ABHD2: variants seen among roughly 807,000 people sequenced by gnomAD.
The protein encoded by ABHD2 is abhydrolase domain containing 2, acylglycerol lipase, also known as monoacylglycerol lipase ABHD2.
A neutral mutation model predicts 48.1 loss-of-function variants in ABHD2; 20 were observed. The ratio of observed to expected loss-of-function variants is 0.42; its 90% CI spans 0.29 to 0.60. The LOEUF is 0.60. ABHD2 is among the 20% of genes least tolerant of loss of function. The probability of loss-of-function intolerance (pLI) is 0.24; values close to 1 mark genes in which losing one functional copy is unlikely to be tolerated. For synonymous variants in ABHD2, 209 were observed against 214.2 expected (o/e 0.98, Z 0.21); for missense variants, 405 against 550.9 (o/e 0.74, Z 2.65).
the ABHD2 span, among the ~76,000 whole-genome samples, chr15:89,052,174 G>A: frequency 2.0e-5 from 3 of 152,208 alleles, no homozygotes; most frequent in African/African-American, 7.2e-5. Context: ...AATTCAGGGA[G>A]ATGGGAGCCC....
At chr15:89,140,859 C>T (rs1485288396) in intron 3 of ABHD2, among the ~76,000 whole-genome samples, 1 of 152,186 alleles carries the variant, frequency 6.6e-6, no homozygotes, top group Non-Finnish European at 1.5e-5. Flanking sequence ...TCCACAGCCC[C>T]AGCCATCTTC....
rs78139717 is a variant in ABHD2 at position 89,131,487 on chromosome 15, G to A, written c.194+14966G>A. Among the ~76,000 whole-genome samples the A allele has an allele frequency of 1.3e-4, 20 of 152,210 alleles. No homozygotes were observed. The East Asian group carries it at 3.7e-3, about 28-fold the overall frequency. ...AGCAGAGAGGTGAAGGGGCAGGATGGGAAGCCCTTCCAGAGGGGAACAGGC... is the reference window on the plus strand; with the variant it reads ...AGCAGAGAGGTGAAGGGGCAGGATGAGAAGCCCTTCCAGAGGGGAACAGGC... On this transcript the variant is annotated intron_variant, in intron 3 of 10. Coordinates refer to ENST00000352732, the MANE Select transcript of ABHD2 (RefSeq NM_152924.5).
At chr15:89,111,925 T>C (rs2049881269) in intron 1 of ABHD2, among the ~76,000 whole-genome samples, 1 of 151,718 alleles carries the variant, frequency 6.6e-6, no homozygotes, top group South Asian at 2.1e-4. Context: ...CATCATTTTT[T>C]CTAGGGATTT....
At chr15:89,065,736 T>A in the ABHD2 span, among the ~76,000 whole-genome samples, 4 of 152,186 alleles carry the variant, frequency 2.6e-5, no homozygotes, top group African/African-American at 9.6e-5. Context: ...GCTTTGGTTA[T>A]CTTCAAGCAT....
At chr15:89,121,590 A>G (rs2050052156) in intron 3 of ABHD2, among the ~76,000 whole-genome samples, 1 of 152,070 alleles carries the variant, frequency 6.6e-6, no homozygotes, top group Non-Finnish European at 1.5e-5. Flanking sequence ...TGTTTACAAA[A>G]GTGTACTATG....
the ABHD2 span, among the ~76,000 whole-genome samples, chr15:89,066,013 A>G: frequency 6.6e-6 from 1 of 152,180 alleles, no homozygotes; most frequent in Non-Finnish European, 1.5e-5. Flanking sequence ...CAAAGACATT[A>G]ACGAGTGAAT....
rs145172715 is a variant in ABHD2 at position 89,167,274 on chromosome 15, A to G, written c.539-8538A>G. On this transcript the variant is annotated intron_variant, in intron 5 of 10. Transcript: ENST00000352732. The surrounding 1 kb of genome is among the most constrained non-coding windows in gnomAD (Gnocchi z 5.5). Reference sequence around the variant, plus strand: ...GTAGACTCAATTTTGAATTGTATTCATAGTTATGAATTGTGTTGCCTCTGC... The same window carrying G: ...GTAGACTCAATTTTGAATTGTATTCGTAGTTATGAATTGTGTTGCCTCTGC... Among the ~76,000 whole-genome samples, 5 of 151,552 alleles carry G rather than the reference A, an allele frequency of 3.3e-5. No homozygotes were observed. Among genetic ancestry groups the G allele is most frequent in the Admixed American group, 6.6e-5 (1 of 15,246 alleles).
the ABHD2 span, among the ~76,000 whole-genome samples, chr15:89,068,527 C>T: frequency 4.6e-5 from 7 of 152,202 alleles, no homozygotes; most frequent in Non-Finnish European, 1.0e-4. Flanking sequence ...CAAACACCTA[C>T]ACGTGGTCCC....
At chr15:89,041,513 A>C in the ABHD2 span, among the ~76,000 whole-genome samples, 1 of 152,226 alleles carries the variant, frequency 6.6e-6, no homozygotes, top group Non-Finnish European at 1.5e-5. Context: ...GTCTGGATCT[A>C]CTGCAGTGAC....
chr15:89,160,740 T>G (rs893541191), intron 5 of ABHD2, among the ~76,000 whole-genome samples: 2 of 152,174 alleles, frequency 1.3e-5, no homozygotes, highest in Non-Finnish European at 2.9e-5. Flanking sequence ...TGCTGGAACA[T>G]TGCAGAGGGT....
In ABHD2 at chr15:89,199,685, A is replaced by G. The variant is rs1301714473; in HGVS notation, c.*4262A>G. On this transcript the variant is annotated 3_prime_UTR_variant, in exon 11 of 11. Coordinates refer to ENST00000352732, the MANE Select transcript of ABHD2 (RefSeq NM_152924.5). This position sits in a 1 kb window ranked among gnomAD's most constrained non-coding sequence, Gnocchi z 4.1. The stretch of plus-strand genomic sequence containing the variant: ...TTCTTGGCCTTACTCTGTTGTTCAA[A>G]GCCACTTTGGATTGCTTGGATGCTT... The G allele has an allele frequency of 6.6e-6, 1 of 152,256 alleles. No homozygotes were observed. Among genetic ancestry groups the G allele is most frequent in the Non-Finnish European group, 1.5e-5 (1 of 68,028 alleles). The allele number at this position is 152,256 out of a possible 1,614,324, so 9.4% of individuals were successfully genotyped here.
chr15:89,112,095 A>G (rs2049884757), intron 1 of ABHD2, among the ~76,000 whole-genome samples: 1 of 152,168 alleles, frequency 6.6e-6, no homozygotes, highest in Non-Finnish European at 1.5e-5. Flanking sequence ...AAAGCGGGCC[A>G]GGGATCAGTG....
intron 4 of ABHD2, among the ~76,000 whole-genome samples, chr15:89,152,579 A>G (rs907038630): frequency 1.3e-5 from 2 of 152,038 alleles, no homozygotes; most frequent in African/African-American, 4.8e-5. Context: ...TACTATCCCT[A>G]CTTTACTGAT....
chr15:89,078,751 T>C, the ABHD2 span, among the ~76,000 whole-genome samples: 1 of 151,682 alleles, frequency 6.6e-6, no homozygotes, highest in Admixed American at 6.6e-5. Context: ...TTTTTTTTCT[T>C]GTGAGACAGA....
chr15:89,126,845 CAAATGG>C (rs1226746935), intron 3 of ABHD2, among the ~76,000 whole-genome samples: 3 of 152,132 alleles, frequency 2.0e-5, no homozygotes, highest in Non-Finnish European at 2.9e-5. Context: ...TACTTCCCTG[CAAATGG>C]AGTCTGTTTG....
the ABHD2 span, among the ~76,000 whole-genome samples, chr15:89,073,800 T>C: frequency 0.2 from 30,140 of 152,004 alleles, 3,637 homozygotes; most frequent in East Asian, 0.35. Flanking sequence ...AGTAGCAAGA[T>C]TTCAGAGCGG....
At chr15:89,101,359 C>A (rs928668733) in intron 1 of ABHD2, among the ~76,000 whole-genome samples, 2 of 152,108 alleles carry the variant, frequency 1.3e-5, no homozygotes, top group Admixed American at 6.6e-5. Flanking sequence ...TTTAAATATC[C>A]AAAAGCTGCT....
chr15:89,154,453 T>C (rs2050639349), intron 4 of ABHD2, among the ~76,000 whole-genome samples: 1 of 152,242 alleles, frequency 6.6e-6, no homozygotes, highest in Non-Finnish European at 1.5e-5. Flanking sequence ...ACATTCATGA[T>C]AGAAAGTTCA....
the ABHD2 span, among the ~76,000 whole-genome samples, chr15:89,070,888 A>C: frequency 9.2e-5 from 14 of 152,054 alleles, no homozygotes; most frequent in African/African-American, 3.4e-4. Flanking sequence ...TCCTCATGCC[A>C]TTCTCTTTCA....
Sources: allele counts gnomAD v4.1 joint callset (sites outside exome capture counted in the v4.1 genomes callset), GRCh38; gene constraint gnomAD v4.1.1; non-coding constraint Gnocchi (gnomAD v3.1); transcripts MANE v1.5; gene names NCBI Gene and HGNC (gene_info 2026-07-23, HGNC 2026-07-21).